GON4L: variants seen among roughly 807,000 people sequenced by gnomAD.
GON4L encodes GON-4-like protein.
Under a neutral mutation model 211.8 loss-of-function variants are expected in GON4L, and 87 were observed. The ratio of observed to expected loss-of-function variants is 0.41; its 90% CI spans 0.35 to 0.49. The LOEUF is 0.49. GON4L is among the 20% of genes least tolerant of loss of function. GON4L has a pLI of 0.15. For synonymous variants in GON4L, 875 were observed against 962.6 expected (o/e 0.91, Z 1.68); for missense variants, 2,155 against 2,659.5 (o/e 0.81, Z 4.17).
At position 155,820,599 on chromosome 1, in the gene GON4L, T is replaced by C. The variant is rs201266011; in HGVS notation, c.1014+7A>G. On this transcript the variant is annotated splice_region_variant and intron_variant, in intron 6 of 31. Transcript: ENST00000368331. Reference sequence around the variant, plus strand: ...AAAAACCAACAACAAAAAAACAGAATACTTACCACTCCTTTTTCCACTACT... The same window carrying C: ...AAAAACCAACAACAAAAAAACAGAACACTTACCACTCCTTTTTCCACTACT... 96 of 1,596,682 alleles carry C rather than the reference T, an allele frequency of 6.0e-5. No homozygotes were observed. The highest frequency in any genetic ancestry group is 7.4e-5 in the Non-Finnish European group (86 of 1,164,498).
intron 2 of GON4L, among the ~76,000 whole-genome samples, chr1:155,827,701 A>AC (rs1557906902): frequency 7.4e-3 from 142 of 19,194 alleles, no homozygotes; most frequent in African/African-American, 9.5e-3. Context: ...CACACACACA[A>AC]AAAAAAAAGC....
At chr1:155,764,825 T>C (rs1662263924) in intron 21 of GON4L, 175 bp downstream of exon 21, 1 of 1,487,154 alleles carries the variant, frequency 6.7e-7, no homozygotes, top group Admixed American at 1.7e-5. Flanking sequence ...TAAAATTTCA[T>C]CCTTTCCATC....
At chr1:155,748,487 T>G, downstream of GON4L, 1 of 1,613,274 alleles carries the variant, frequency 6.2e-7, no homozygotes, top group Non-Finnish European at 8.5e-7. Context: ...CTCTCCAGTT[T>G]CCATGGTTCA....
At chr1:155,851,052 C>CA (rs55815558) in intron 2 of GON4L, among the ~76,000 whole-genome samples, 65,543 of 78,478 alleles carry the variant, frequency 0.84, 28,107 homozygotes, top group East Asian at 0.97. Flanking sequence ...GACTCCACCT[C>CA]AAAAAAAAAA....
intron 9 of GON4L, 78 bp downstream of exon 9, chr1:155,814,252 T>C (rs1571839085): frequency 3.0e-6 from 4 of 1,332,774 alleles, no homozygotes; most frequent in East Asian, 4.6e-5. Flanking sequence ...TCACCATGGA[T>C]AAATAATCTA....
chr1:155,754,130 G>T, intron 28 of GON4L: 1 of 543,446 alleles, frequency 1.8e-6, no homozygotes, highest in Non-Finnish European at 3.3e-6. Flanking sequence ...ATATCTGAGG[G>T]AAATATTTTA....
At chr1:155,834,620 A>G (rs1030157775) in intron 2 of GON4L, among the ~76,000 whole-genome samples, 2 of 152,208 alleles carry the variant, frequency 1.3e-5, no homozygotes, top group Non-Finnish European at 2.9e-5. Context: ...GGCCAAAACC[A>G]GCTAAAAGCA....
downstream of GON4L, chr1:155,746,138 A>C: frequency 2.2e-6 from 2 of 906,912 alleles, no homozygotes; most frequent in Non-Finnish European, 3.2e-6. Context: ...ATGGATCTGA[A>C]GGGTGAGGTG....
chr1:155,838,255 C>G (rs981458770), intron 2 of GON4L, among the ~76,000 whole-genome samples: 2 of 151,830 alleles, frequency 1.3e-5, no homozygotes, highest in African/African-American at 4.8e-5. Context: ...AACCTTGTCT[C>G]AAAAAATTAA....
At chr1:155,799,551 A>C (rs563786054) in intron 11 of GON4L, among the ~76,000 whole-genome samples, 1 of 152,186 alleles carries the variant, frequency 6.6e-6, no homozygotes, top group Non-Finnish European at 1.5e-5. Context: ...CCTTTCCCAG[A>C]CCAGTAGTTT....
chr1:155,797,118 T>C (rs1557872209), intron 11 of GON4L, among the ~76,000 whole-genome samples: 1 of 152,070 alleles, frequency 6.6e-6, no homozygotes, highest in Non-Finnish European at 1.5e-5. Flanking sequence ...ATATTTTTTT[T>C]TTCTTTCTTT....
At chr1:155,772,396 C>T (rs191104103) in intron 18 of GON4L, among the ~76,000 whole-genome samples, 2 of 152,088 alleles carry the variant, frequency 1.3e-5, no homozygotes, top group East Asian at 1.9e-4. Flanking sequence ...CATATATGAT[C>T]GTGGTTACAT....
chr1:155,834,890 C>T lies in GON4L; in HGVS notation c.506-7862G>A, dbSNP rs551314280. 2.0e-3 allele frequency among the ~76,000 whole-genome samples: 288 copies of T among 146,738 alleles called. 2 individuals are homozygous for T. The highest frequency in any genetic ancestry group is 7.6e-3 in the African/African-American group (275 of 36,414). ...CCCTCTGCCCAGCCAGCCGCCCCGT[C>T]CGGGAGGTGAGGGGCGCCTCTGCCC... is the stretch of plus-strand genomic sequence containing the variant. On this transcript the variant is annotated intron_variant, in intron 2 of 31. Coordinates refer to ENST00000368331, the MANE Select transcript of GON4L (RefSeq NM_001282860.2).
At position 155,766,196 on chromosome 1, in the gene GON4L, A is replaced by G; in HGVS notation, c.3277T>C (p.Ser1093Pro). The G allele has an allele frequency of 6.2e-7, 1 of 1,614,120 alleles. No individual in the cohort carries two copies. The highest frequency in any genetic ancestry group is 2.2e-5 in the East Asian group (1 of 44,874). Residue 1093 changes from serine to proline, a missense_variant, in exon 21 of 32, where the codon TCT becomes CCT. Transcript: ENST00000368331. ...ATTACCTTGGGCACAGGGGCAGAAG[A>G]GAGCAAAGTCTGGGACTCAGACAGA... Reference protein sequence around the residue: ...FPLSESQTLLSSAPVPKVMLP... With the variant: ...FPLSESQTLLPSAPVPKVMLP...
At chr1:155,856,752 A>G (rs1672318616) in intron 1 of GON4L, among the ~76,000 whole-genome samples, 1 of 152,108 alleles carries the variant, frequency 6.6e-6, no homozygotes, top group Non-Finnish European at 1.5e-5. Flanking sequence ...CTGAGATCAA[A>G]AAAAGGGGAA....
intron 12 of GON4L, among the ~76,000 whole-genome samples, chr1:155,793,264 C>G (rs1444875838): frequency 6.6e-6 from 1 of 152,152 alleles, no homozygotes; most frequent in Non-Finnish European, 1.5e-5. Context: ...AATGAAAGAT[C>G]TTCACAAAGG....
At chr1:155,842,147 G>A (rs921564508) in intron 2 of GON4L, among the ~76,000 whole-genome samples, 1 of 152,120 alleles carries the variant, frequency 6.6e-6, no homozygotes, top group Non-Finnish European at 1.5e-5. Context: ...GGTTCAAAAG[G>A]CACTCTAAGA....
chr1:155,748,385 G>C (rs1287058725), downstream of GON4L: 1 of 1,603,104 alleles, frequency 6.2e-7, no homozygotes, highest in Non-Finnish European at 8.5e-7. Context: ...TGCCCCTCTT[G>C]GTGTCTTCTT....
intron 5 of GON4L, among the ~76,000 whole-genome samples, chr1:155,821,042 G>A (rs905674666): frequency 1.3e-5 from 2 of 152,044 alleles, no homozygotes; most frequent in Admixed American, 6.6e-5. Flanking sequence ...CGAGGCGGGC[G>A]GATCACAAGG....
Sources: allele counts gnomAD v4.1 joint callset (sites outside exome capture counted in the v4.1 genomes callset), GRCh38; gene constraint gnomAD v4.1.1; transcripts MANE v1.5; gene names NCBI Gene and HGNC (gene_info 2026-07-23, HGNC 2026-07-21).